The following C1GALT1 variants were observed in gnomAD, a reference collection of about 807,000 sequenced individuals.
C1GALT1 encodes the protein glycoprotein-N-acetylgalactosamine 3-beta-galactosyltransferase 1.
A neutral mutation model predicts 31.0 loss-of-function variants in C1GALT1; 11 were observed. The observed-to-expected ratio is 0.36, with a 90% CI of 0.22 to 0.59. The LOEUF (loss-of-function observed/expected upper bound fraction) is 0.59. Among genes scored for constraint, C1GALT1 ranks in the 20% least tolerant of loss-of-function variants. The pLI is 0.79. For synonymous variants in C1GALT1, 175 were observed against 143.6 expected, an observed-to-expected ratio of 1.22 and a Z score of -1.56; for missense variants, 424 against 425.2, an observed-to-expected ratio of 1.00 and a Z score of 0.03.
chr7:7,219,707 C>T (rs1053410453), intron 1 of C1GALT1, among the ~76,000 whole-genome samples: 1 of 152,046 alleles, frequency 6.6e-6, no homozygotes, highest in East Asian at 1.9e-4. Flanking sequence ...TTAGTTGGCC[C>T]TTATCCAATT....
rs1349259194 is a variant in C1GALT1, at chr7:7,214,289, G to T, written c.-17-20014G>T. On this transcript the variant is annotated intron_variant, in intron 1 of 3. Coordinates refer to ENST00000436587, the MANE Select transcript of C1GALT1 (RefSeq NM_020156.5). ...CAAAACAGGGTCTGTGGCATCTCCTGTTTTTCCCAAGGAGTTCCATGCTAC... is the reference window on the plus strand; with the variant it reads ...CAAAACAGGGTCTGTGGCATCTCCTTTTTTTCCCAAGGAGTTCCATGCTAC... Among the ~76,000 whole-genome samples the T allele has an allele frequency of 2.6e-5, 4 of 152,124 alleles. No homozygotes were observed. In the East Asian group the frequency reaches 7.7e-4, roughly 29 times the overall value.
At chr7:7,224,698 C>T (rs1327028768) in intron 1 of C1GALT1, among the ~76,000 whole-genome samples, 12 of 151,938 alleles carry the variant, frequency 7.9e-5, no homozygotes, top group Admixed American at 7.9e-4. Flanking sequence ...TGTATTATTC[C>T]TGCTATTGGT....
At chr7:7,194,528 G>A (rs553575581) in intron 1 of C1GALT1, among the ~76,000 whole-genome samples, 2 of 150,850 alleles carry the variant, frequency 1.3e-5, no homozygotes, top group African/African-American at 5.0e-5. Context: ...AAACCCACTT[G>A]ATAATGGTGT....
chr7:7,189,066 C>T (rs769582227), intron 1 of C1GALT1, among the ~76,000 whole-genome samples: 1 of 152,060 alleles, frequency 6.6e-6, no homozygotes, highest in Non-Finnish European at 1.5e-5. Flanking sequence ...AAAAAAATAC[C>T]CAGTATACCT....
At chr7:7,216,147 C>T (rs1002173766) in intron 1 of C1GALT1, among the ~76,000 whole-genome samples, 1 of 152,036 alleles carries the variant, frequency 6.6e-6, no homozygotes, top group South Asian at 2.1e-4. Flanking sequence ...AAGGAAGTTC[C>T]AGTGTTTGAG....
intron 1 of C1GALT1, among the ~76,000 whole-genome samples, chr7:7,198,671 T>G (rs184068689): frequency 1.6e-4 from 24 of 152,286 alleles, no homozygotes; most frequent in Admixed American, 5.2e-4. Flanking sequence ...TCCTGGACTT[T>G]TTTTGGTTCA....
At chr7:7,198,823 A>G (rs146212913) in intron 1 of C1GALT1, among the ~76,000 whole-genome samples, 47,090 of 151,942 alleles carry the variant, frequency 0.31, 8,988 homozygotes, top group East Asian at 0.53. Context: ...TATTTGCATC[A>G]AGGTGTTTAT....
At chr7:7,237,158 T>C (rs1308737350) in intron 2 of C1GALT1, among the ~76,000 whole-genome samples, 1 of 152,238 alleles carries the variant, frequency 6.6e-6, no homozygotes, top group Non-Finnish European at 1.5e-5. Context: ...TTATTTTTCT[T>C]ATAATTCATT....
intron 1 of C1GALT1, among the ~76,000 whole-genome samples, chr7:7,205,124 C>T (rs1288416241): frequency 2.0e-5 from 3 of 151,972 alleles, no homozygotes; most frequent in Non-Finnish European, 4.4e-5. Context: ...AGTCTCCCAA[C>T]TGTTATCATA....
chr7:7,239,608 A>G (rs1783530754), intron 3 of C1GALT1, among the ~76,000 whole-genome samples: 1 of 152,188 alleles, frequency 6.6e-6, no homozygotes, highest in Non-Finnish European at 1.5e-5. Context: ...TGTAATTACA[A>G]CATAGTACAG....
intron 2 of C1GALT1, among the ~76,000 whole-genome samples, chr7:7,177,258 C>A (rs1031166231): frequency 6.6e-6 from 1 of 152,172 alleles, no homozygotes; most frequent in Non-Finnish European, 1.5e-5. Flanking sequence ...GTTAGTCATG[C>A]CACAAAAATG....
At chr7:7,167,766 C>T (rs898884791) in intron 2 of C1GALT1, among the ~76,000 whole-genome samples, 2 of 152,074 alleles carry the variant, frequency 1.3e-5, no homozygotes, top group African/African-American at 4.8e-5. Flanking sequence ...GCGCCCAGTC[C>T]CTTATTCTCC....
At chr7:7,208,227 A>G (rs1430179284) in intron 1 of C1GALT1, among the ~76,000 whole-genome samples, 1 of 152,120 alleles carries the variant, frequency 6.6e-6, no homozygotes, top group African/African-American at 2.4e-5. Flanking sequence ...ATAAAGGTTC[A>G]ATAAAGTTAA....
At chr7:7,219,267 A>G (rs1583802737) in intron 1 of C1GALT1, among the ~76,000 whole-genome samples, 3 of 152,252 alleles carry the variant, frequency 2.0e-5, no homozygotes, top group African/African-American at 7.2e-5. Context: ...ATAATGACAG[A>G]TATGTATCAT....
chr7:7,196,683 G>T (rs1333720294), intron 1 of C1GALT1, among the ~76,000 whole-genome samples: 1 of 152,210 alleles, frequency 6.6e-6, no homozygotes, highest in Non-Finnish European at 1.5e-5. Flanking sequence ...CCCACCAACA[G>T]TGTAAAAGCG....
chr7:7,221,054 G>A (rs941670972), intron 1 of C1GALT1, among the ~76,000 whole-genome samples: 4 of 152,120 alleles, frequency 2.6e-5, no homozygotes, highest in African/African-American at 7.2e-5. Flanking sequence ...GTCTTTATGG[G>A]TCTGTTTTTA....
At chr7:7,159,508 G>A (rs1364174263) in intron 2 of C1GALT1, among the ~76,000 whole-genome samples, 1 of 151,998 alleles carries the variant, frequency 6.6e-6, no homozygotes, top group Admixed American at 6.6e-5. Context: ...AAAGAAAGTG[G>A]TGTGTTGGAC....
rs532131102 is a variant in C1GALT1, at chr7:7,169,525, TTC to T, written c.-18+12101_-18+12102del. ...CACATCCTTGTCAACACTTGTTATT[TTC>T]TGTTTGGATATTTTGTTTTTTTTTT... On this transcript the variant is annotated intron_variant, in intron 2 of 3. Coordinates refer to the C1GALT1 transcript ENST00000429911. Among the ~76,000 whole-genome samples, 16 of 152,152 alleles carry T rather than the reference TTC, an allele frequency of 1.1e-4. No homozygotes were observed. The South Asian group carries it at 3.1e-3, about 30-fold the overall frequency.
chr7:7,228,389 T>C (rs1245131107), intron 1 of C1GALT1, among the ~76,000 whole-genome samples: 3 of 152,238 alleles, frequency 2.0e-5, no homozygotes, highest in Non-Finnish European at 4.4e-5. Context: ...CGATTCTGAT[T>C]ACACATCAGG....
Sources: allele counts gnomAD v4.1 joint callset (sites outside exome capture counted in the v4.1 genomes callset), GRCh38; gene constraint gnomAD v4.1.1; transcripts MANE v1.5; gene names NCBI Gene and HGNC (gene_info 2026-07-23, HGNC 2026-07-21).